Variants in IL17RA observed in about 807,000 individuals in gnomAD.
IL17RA encodes the protein interleukin 17 receptor A.
In IL17RA, 34 loss-of-function variants were observed where a neutral mutation model predicts 50.4. The observed-to-expected ratio is 0.67, with a 90% CI of 0.51 to 0.90. IL17RA has a LOEUF of 0.90. IL17RA is among the 40% of genes least tolerant of loss of function. The pLI, the probability that IL17RA is intolerant of heterozygous loss-of-function variation, is 0.00. For missense variants in IL17RA, 1,276 were observed against 1,169.8 expected (o/e 1.09, Z -1.32); for synonymous variants, 585 against 510.4 (o/e 1.15, Z -1.97).
At chr22:17,099,003 T>C (rs1445655509) in intron 4 of IL17RA, 116 bp downstream of exon 4, 2 of 836,952 alleles carry the variant, frequency 2.4e-6, no homozygotes, top group African/African-American at 1.7e-5. Flanking sequence ...GCTGAGGGAG[T>C]CTGTGGAATT....
rs1222021723 is a variant in IL17RA, at chr22:17,109,025, C to T, written c.1806C>T (p.Asp602=). 7 of 1,596,310 alleles carry T rather than the reference C, an allele frequency of 4.4e-6. No homozygotes were observed. The highest frequency in any genetic ancestry group is 5.9e-6 in the Non-Finnish European group (7 of 1,178,280). The change falls in exon 13 of 13, where the codon GAC becomes GAT. Residue 602 remains aspartate (D), a synonymous_variant. Transcript: ENST00000319363. ...SADDQDAPSL[D]EEVFEEPLLP... ...ATGACCAGGATGCCCCGTCCCTGGA[C>T]GAAGAGGTGTTTGAGGAGCCACTGC...
intron 2 of IL17RA, 61 bp from the exon 3 acceptor site, chr22:17,097,736 G>C: frequency 6.2e-7 from 1 of 1,605,286 alleles, no homozygotes; most frequent in East Asian, 2.2e-5. Flanking sequence ...TGTACCTGCT[G>C]CTGGGGCATC....
At position 17,102,158 on chromosome 22, in the gene IL17RA, C is replaced by T; in HGVS notation, c.618C>T (p.Asn206=). 1 of 1,614,168 alleles carries T rather than the reference C, an allele frequency of 6.2e-7. No homozygotes were observed. The highest frequency in any genetic ancestry group is 8.5e-7 in the Non-Finnish European group (1 of 1,180,014). The change falls in exon 7 of 13, where the codon AAC becomes AAT. Residue 206 remains asparagine (N), a synonymous_variant. Coordinates refer to ENST00000319363, the MANE Select transcript of IL17RA (RefSeq NM_014339.7). ...TGGCAGGCAGCCTGTGGGACCCCAA[C>T]ATCACCGTGGAGACCCTGGAGGCCC... is the stretch of plus-strand genomic sequence containing the variant. The part of the protein sequence containing the change: ...CMSSGSLWDP[N]ITVETLEAHQ...
chr22:17,115,015 C>CA lies in IL17RA; in HGVS notation c.*5196dup, dbSNP rs1490947784. The stretch of plus-strand genomic sequence containing the variant: ...TTCCTTAGGGCAAGAACTGCATGGC[C>CA]AGACTCAGGCAAGGCCTAGGTGTGG... On this transcript the variant is annotated 3_prime_UTR_variant, in exon 13 of 13. Coordinates refer to ENST00000319363, the MANE Select transcript of IL17RA (RefSeq NM_014339.7). 4 of 152,252 alleles carry CA rather than the reference C, an allele frequency of 2.6e-5. No individual in the cohort carries two copies. Among genetic ancestry groups the CA allele is most frequent in the Non-Finnish European group, 4.4e-5 (3 of 68,062 alleles). The allele number at this position is 152,252 out of a possible 1,614,324, so 9.4% of individuals were successfully genotyped here. A position where few individuals can be genotyped will look rare whatever the true frequency, so the allele number is the denominator to read the frequency against.
chr22:17,097,995 G>A, intron 3 of IL17RA, 52 bp downstream of exon 3: 1 of 1,609,400 alleles, frequency 6.2e-7, no homozygotes, highest in South Asian at 1.1e-5. Context: ...CCTCCAAGTG[G>A]CTCTCCCAGT....
intron 1 of IL17RA, chr22:17,093,768 C>A: frequency 5.3e-6 from 1 of 188,878 alleles, no homozygotes; most frequent in South Asian, 1.2e-4. Context: ...TTCCTTTGGT[C>A]CAGACAGCTT....
At chr22:17,090,962 A>G (rs1038404284) in intron 1 of IL17RA, among the ~76,000 whole-genome samples, 3 of 152,132 alleles carry the variant, frequency 2.0e-5, no homozygotes, top group Non-Finnish European at 4.4e-5. Flanking sequence ...TATTCCATCA[A>G]TTCCATCCCC....
rs141859292 is a variant in IL17RA at position 17,109,580 on chromosome 22, G to A, written c.2361G>A (p.Arg787=). Residue 787 remains arginine, a synonymous_variant, in exon 13 of 13, where the codon CGG becomes CGA. Transcript: ENST00000319363. ...DPHTPYEEEQ[R]QSVQSDQGYI... ...ACACGCCCTACGAGGAGGAGCAGCG[G>A]CAGTCAGTGCAGTCTGACCAGGGCT... is the stretch of plus-strand genomic sequence containing the variant. 68 of 1,600,068 alleles carry A rather than the reference G, an allele frequency of 4.2e-5. No homozygotes were observed. The African/African-American group carries it at 8.3e-4, about 20-fold the overall frequency.
rs2061456397 is a variant in IL17RA, at chr22:17,113,970, T to G, written c.*4150T>G. On this transcript the variant is annotated 3_prime_UTR_variant, in exon 13 of 13. Coordinates refer to ENST00000319363, the MANE Select transcript of IL17RA (RefSeq NM_014339.7). ...CCCCCTGAGGTACCACTGATCCTCT[T>G]TCCCTGCTATTAGGTATTGCTCTCT... The G allele has an allele frequency of 6.6e-6, 1 of 152,186 alleles. No individual in the cohort carries two copies. The highest frequency in any genetic ancestry group is 6.5e-5 in the Admixed American group (1 of 15,280). The allele number at this position is 152,186 out of a possible 1,614,324, so 9.4% of individuals were successfully genotyped here.
chr22:17,091,412 T>C (rs1353895199), intron 1 of IL17RA, among the ~76,000 whole-genome samples: 6 of 152,256 alleles, frequency 3.9e-5, no homozygotes, highest in Non-Finnish European at 5.9e-5. Flanking sequence ...CGCCGTAGCT[T>C]ACGCCTATAA....
chr22:17,109,896 A>AT lies in IL17RA; in HGVS notation c.*77dup. 7.7e-7 allele frequency: 1 copy of AT among 1,298,378 alleles called. No homozygotes were observed. The highest frequency in any genetic ancestry group is 1.1e-6 in the Non-Finnish European group (1 of 935,086). The allele number at this position is 1,298,378 out of a possible 1,614,324, so 80.4% of individuals were successfully genotyped here. A position where few individuals can be genotyped will look rare whatever the true frequency, so the allele number is the denominator to read the frequency against. On this transcript the variant is annotated 3_prime_UTR_variant, in exon 13 of 13. Transcript: ENST00000319363. ...TGTGCACGTATTCATCTGTGTGTAC[A>AT]TGTCTGCATGTGTATATGTTCGTGT...
intron 5 of IL17RA, among the ~76,000 whole-genome samples, chr22:17,101,721 GAGA>G (rs2061392083): frequency 6.6e-6 from 1 of 152,234 alleles, no homozygotes; most frequent in Non-Finnish European, 1.5e-5. Context: ...TGGGTGGGCA[GAGA>G]AGGAACTGGA....
In IL17RA at chr22:17,105,832, ACG is replaced by A. The variant is rs750942534; in HGVS notation, c.944-19_944-18del. On this transcript the variant is annotated intron_variant, in intron 10 of 12. Coordinates refer to ENST00000319363, the MANE Select transcript of IL17RA (RefSeq NM_014339.7). ...CAGGGCAGGCCCCGCCGCATCACTC[ACG>A]CTGTTCTGCTCACCGCAGACTACAT... 2 of 1,541,954 alleles carry A rather than the reference ACG, an allele frequency of 1.3e-6. No homozygotes were observed. Among genetic ancestry groups the A allele is most frequent in the Non-Finnish European group, 1.8e-6 (2 of 1,122,142 alleles).
intron 7 of IL17RA, among the ~76,000 whole-genome samples, chr22:17,102,909 A>C (rs1429410588): frequency 5.3e-5 from 8 of 152,246 alleles, no homozygotes; most frequent in Admixed American, 5.2e-4. Context: ...TGGGAGGCCA[A>C]GGCAGGTGGA....
chr22:17,090,419 C>CA (rs1215806395), intron 1 of IL17RA, among the ~76,000 whole-genome samples: 1 of 152,204 alleles, frequency 6.6e-6, no homozygotes, highest in Non-Finnish European at 1.5e-5. Context: ...TTTGGCATTA[C>CA]ATCATAGATA....
In IL17RA at chr22:17,089,887, C is replaced by T. The variant is rs76907662; in HGVS notation, c.138+4658C>T. 1.1e-4 allele frequency among the ~76,000 whole-genome samples: 16 copies of T among 148,146 alleles called. 1 individual carries two copies. The highest frequency in any genetic ancestry group is 2.1e-4 in the South Asian group (1 of 4,786). On this transcript the variant is annotated intron_variant, in intron 1 of 12. Transcript: ENST00000319363. ...AAAAACAAACAAACAAAAAAAAAAA[C>T]GAATGAGAGGTTTGAAATTAGGGAT...
At position 17,109,498 on chromosome 22, in the gene IL17RA, T is replaced by C. The variant is rs2061430968; in HGVS notation, c.2279T>C (p.Leu760Pro). 1.9e-6 allele frequency: 3 copies of C among 1,606,328 alleles called. No individual in the cohort carries two copies. Among genetic ancestry groups the C allele is most frequent in the Non-Finnish European group, 2.6e-6 (3 of 1,176,410 alleles). The change falls in exon 13 of 13, where the codon CTG becomes CCG. Residue 760 changes from leucine (L) to proline (P), a missense_variant. Transcript: ENST00000319363. Reference protein sequence around the residue: ...GLMLSLFEQSLSCQAQGGCSR... With the variant: ...GLMLSLFEQSPSCQAQGGCSR... The stretch of plus-strand genomic sequence containing the variant: ...ATGCTCTCGCTCTTCGAGCAGAGTC[T>C]GAGCTGCCAGGCCCAGGGGGGCTGC...
rs974055141 is a variant in IL17RA, at chr22:17,113,281, C to T, written c.*3461C>T. ...CAATCATGGCTCACTGCAGCCTCGA[C>T]CTCCCAGGCTCAAGCCATCTTTCCA... is the stretch of plus-strand genomic sequence containing the variant. On this transcript the variant is annotated 3_prime_UTR_variant, in exon 13 of 13. Transcript: ENST00000319363. The T allele has an allele frequency of 1.3e-5, 2 of 152,330 alleles. No homozygotes were observed. The highest frequency in any genetic ancestry group is 2.9e-5 in the Non-Finnish European group (2 of 68,128). 9.4% of individuals were successfully genotyped at this position (152,330 alleles called of 1,614,324 possible).
At position 17,108,909 on chromosome 22, in the gene IL17RA, G is replaced by A. The variant is rs757412452; in HGVS notation, c.1690G>A (p.Gly564Ser). The A allele has an allele frequency of 4.3e-6, 7 of 1,611,736 alleles. No individual in the cohort carries two copies. Among genetic ancestry groups the A allele is most frequent in the South Asian group, 1.1e-5 (1 of 90,882 alleles). Residue 564 changes from glycine to serine, a missense_variant, in exon 13 of 13, where the codon GGC becomes AGC. Coordinates refer to ENST00000319363, the MANE Select transcript of IL17RA (RefSeq NM_014339.7). ...SGDNYLRSPG[G>S]RQLRAALDRF... ...GGACAACTACCTGCGGAGCCCGGGC[G>A]GCAGGCAGCTCCGCGCCGCCCTGGA...
Sources: gnomAD v4.1 joint callset for allele counts (sites outside exome capture counted in the v4.1 genomes callset) on GRCh38, gnomAD v4.1.1 for gene constraint, MANE v1.5 for transcripts, NCBI Gene and HGNC (gene_info 2026-07-23, HGNC 2026-07-21) for gene names.